The following CXorf58 variants were observed in gnomAD, a reference collection of about 807,000 sequenced individuals.
The protein encoded by CXorf58 is chromosome X open reading frame 58, also known as uncharacterized protein CXorf58.
In CXorf58, 24 loss-of-function variants were observed where a neutral mutation model predicts 26.0. The ratio of observed to expected loss-of-function variants is 0.92; its 90% confidence interval spans 0.67 to 1.30. CXorf58 has a LOEUF of 1.30. Ranked by LOEUF, CXorf58 falls within the 50% of genes most tolerant of loss-of-function variation. The pLI is 0.00. For missense variants in CXorf58, 236 were observed against 263.9 expected, an observed-to-expected ratio of 0.89 and a Z score of 0.73; for synonymous variants, 87 against 86.1, an observed-to-expected ratio of 1.01 and a Z score of -0.06.
chrX:23,933,204 GTA>G (rs1928208034), intron 6 of CXorf58, among the ~76,000 whole-genome samples: 1 of 109,851 alleles, frequency 9.1e-6, no homozygotes. Context: ...GTGTGAGTGT[GTA>G]TGTGTATATG....
rs557482190 is a variant in CXorf58 at position 23,923,407 on chromosome X, T to C, written c.424-3832T>C. Among the ~76,000 whole-genome samples the C allele has an allele frequency of 2.4e-4, 26 of 107,708 alleles. No homozygotes were observed. In the South Asian group the frequency reaches 9.9e-3, roughly 41 times the overall value. 93.5% of individuals were successfully genotyped at this position (107,708 alleles called of 115,157 possible). ...AAATACCTTTTTGGGGAGGCTAAGG[T>C]GGGCGGATCACTTGAGGTCATTTCA... is the stretch of plus-strand genomic sequence containing the variant. On this transcript the variant is annotated intron_variant, in intron 5 of 8. Coordinates refer to ENST00000379211, the MANE Select transcript of CXorf58 (RefSeq NM_152761.3).
chrX:23,925,980 G>A (rs1265632961), intron 5 of CXorf58, among the ~76,000 whole-genome samples: 1 of 106,372 alleles, frequency 9.4e-6, no homozygotes, highest in Admixed American at 1.0e-4. Context: ...GTAGAGACGG[G>A]GTTTCACCAT....
At chrX:23,933,236 TGA>T (rs954443386) in intron 6 of CXorf58, among the ~76,000 whole-genome samples, 3 of 110,209 alleles carry the variant, frequency 2.7e-5, no homozygotes, top group African/African-American at 9.9e-5. Context: ...AGGTGTGTGT[TGA>T]GAGTGTGTAT....
intron 1 of CXorf58, among the ~76,000 whole-genome samples, chrX:23,908,904 T>C (rs988550126): frequency 3.6e-5 from 4 of 111,644 alleles, no homozygotes; most frequent in Non-Finnish European, 5.6e-5. Context: ...GAGTTAGATT[T>C]ATTATAGGAT....
chrX:23,936,321 G>A (rs1168109163), intron 7 of CXorf58, among the ~76,000 whole-genome samples: 1 of 111,692 alleles, frequency 9.0e-6, no homozygotes, highest in Non-Finnish European at 1.9e-5. Flanking sequence ...TTTGCTGAAG[G>A]TTATAATTCT....
chrX:23,918,318 GT>G (rs1829460103), intron 5 of CXorf58, among the ~76,000 whole-genome samples: 1 of 110,169 alleles, frequency 9.1e-6, no homozygotes, highest in African/African-American at 3.3e-5. Context: ...TTGTGTATCT[GT>G]TGTATGTTTT....
chrX:23,927,484 A>C (rs1265892805), intron 6 of CXorf58, 114 bp downstream of exon 6: 1 of 287,611 alleles, frequency 3.5e-6, no homozygotes, highest in African/African-American at 2.8e-5. Flanking sequence ...ACAATATAAA[A>C]TTTATTATTG....
chrX:23,934,864 CTTTTCTTTTT>C (rs1928254499), intron 6 of CXorf58, among the ~76,000 whole-genome samples: 2 of 105,159 alleles, frequency 1.9e-5, no homozygotes, highest in African/African-American at 7.0e-5. Context: ...TTTTTCTTTT[CTTTTCTTTTT>C]TTTTCTCTTT....
chrX:23,928,018 C>T (rs759566552), intron 6 of CXorf58, among the ~76,000 whole-genome samples: 2 of 111,137 alleles, frequency 1.8e-5, no homozygotes, highest in South Asian at 7.5e-4. Context: ...TTGCCTAATC[C>T]GGATATTTCA....
intron 5 of CXorf58, among the ~76,000 whole-genome samples, chrX:23,923,866 G>A (rs1927933275): frequency 9.1e-6 from 1 of 109,822 alleles, no homozygotes; most frequent in Admixed American, 9.8e-5. Flanking sequence ...TCAGGAGTTC[G>A]AGACCAGCCT....
intron 7 of CXorf58, among the ~76,000 whole-genome samples, chrX:23,936,066 C>T (rs1442225933): frequency 9.0e-6 from 1 of 110,803 alleles, no homozygotes; most frequent in Non-Finnish European, 1.9e-5. Context: ...CCACCATGCC[C>T]GGCCGCATGG....
chrX:23,931,154 G>C (rs1346431163), intron 6 of CXorf58, among the ~76,000 whole-genome samples: 2 of 111,942 alleles, frequency 1.8e-5, no homozygotes, highest in Non-Finnish European at 3.8e-5. Context: ...GTGCCTTAGA[G>C]ACTCCCAATT....
chrX:23,918,429 TAACA>T (rs1927783616), intron 5 of CXorf58, among the ~76,000 whole-genome samples: 2 of 112,113 alleles, frequency 1.8e-5, no homozygotes, highest in South Asian at 3.6e-4. Context: ...AACAAAAAAA[TAACA>T]AACAAGCAAA....
chrX:23,926,809 G>A (rs1928023978), intron 5 of CXorf58, among the ~76,000 whole-genome samples: 1 of 112,022 alleles, frequency 8.9e-6, no homozygotes, highest in African/African-American at 3.2e-5. Context: ...CACGAGGCCA[G>A]GAGATCGAGA....
chrX:23,910,403 C>G lies in CXorf58; in HGVS notation c.101C>G (p.Ala34Gly). 8.8e-7 allele frequency: 1 copy of G among 1,129,978 alleles called. No homozygotes were observed. The highest frequency in any genetic ancestry group is 1.2e-6 in the Non-Finnish European group (1 of 822,270). The allele number at this position is 1,129,978 out of a possible 1,213,427, so 93.1% of individuals were successfully genotyped here. ...RRVHFANARNARSLLSMLKDI... is the reference protein window; with the variant it reads ...RRVHFANARNGRSLLSMLKDI... ...GTACATTTCGCAAATGCACGAAATGCAAGATCATTACTATCGTAAGTACCT... is the reference window on the plus strand; with the variant it reads ...GTACATTTCGCAAATGCACGAAATGGAAGATCATTACTATCGTAAGTACCT... Residue 34 changes from alanine (A) to glycine (G), a missense_variant, in exon 2 of 9, where the codon GCA (alanine) becomes GGA (glycine). By Grantham distance (60) the Ala-to-Gly change is moderately conservative. Coordinates refer to ENST00000379211, the MANE Select transcript of CXorf58 (RefSeq NM_152761.3).
intron 3 of CXorf58, among the ~76,000 whole-genome samples, chrX:23,912,231 G>C (rs982880328): frequency 9.0e-6 from 1 of 111,136 alleles, no homozygotes; most frequent in South Asian, 3.8e-4. Flanking sequence ...GATTACAGGC[G>C]TGAGCCACCA....
chrX:23,926,594 C>G (rs772433984), intron 5 of CXorf58, among the ~76,000 whole-genome samples: 2 of 111,424 alleles, frequency 1.8e-5, no homozygotes, highest in African/African-American at 3.3e-5. Context: ...ATTGACTGCA[C>G]GAATGATATT....
rs1569257019 is a variant in CXorf58, at chrX:23,939,350, G to T, written c.*47G>T. The T allele has an allele frequency of 3.2e-6, 3 of 931,559 alleles. No homozygotes were observed. The highest frequency in any genetic ancestry group is 3.0e-5 in the Admixed American group (1 of 33,671). 76.8% of individuals were successfully genotyped at this position (931,559 alleles called of 1,213,427 possible). ...TATGTCAGAGTGTCAGCTGGAAAAA[G>T]AAAAAAGGACTCATTTTCCTGGTAT... On this transcript the variant is annotated 3_prime_UTR_variant, in exon 9 of 9. Coordinates refer to ENST00000379211, the MANE Select transcript of CXorf58 (RefSeq NM_152761.3).
At chrX:23,937,918 C>G (rs1376593564) in intron 7 of CXorf58, among the ~76,000 whole-genome samples, 1 of 107,210 alleles carries the variant, frequency 9.3e-6, no homozygotes, top group Non-Finnish European at 1.9e-5. Context: ...TGGAGTCTCG[C>G]TCTGTTGCCC....
Sources: allele counts gnomAD v4.1 joint callset (sites outside exome capture counted in the v4.1 genomes callset), GRCh38; gene constraint gnomAD v4.1.1; transcripts MANE v1.5; gene names NCBI Gene and HGNC (gene_info 2026-07-23, HGNC 2026-07-21).